Variants in GOLPH3 observed in about 807,000 individuals in gnomAD.
GOLPH3 encodes the protein coat protein GPP34.
A neutral mutation model predicts 28.5 loss-of-function variants in GOLPH3; 14 were observed. The ratio of observed to expected loss-of-function variants is 0.49; its 90% CI spans 0.32 to 0.77. GOLPH3 has a LOEUF of 0.77. Ranked by LOEUF, GOLPH3 falls within the 30% of genes least tolerant of loss-of-function variation. GOLPH3 has a pLI of 0.03. For synonymous variants in GOLPH3, 158 were observed against 159.2 expected (o/e 0.99, Z 0.06); for missense variants, 350 against 393.7 (o/e 0.89, Z 0.94).
At chr5:32,148,510 T>C (rs1581547001) in intron 1 of GOLPH3, among the ~76,000 whole-genome samples, 1 of 152,226 alleles carries the variant, frequency 6.6e-6, no homozygotes, top group Non-Finnish European at 1.5e-5. Context: ...AATAGAAATA[T>C]AGGCCAGGTC....
intron 1 of GOLPH3, 157 bp downstream of exon 1, chr5:32,173,653 C>T (rs1746900526): frequency 2.2e-6 from 1 of 444,950 alleles, no homozygotes; most frequent in Non-Finnish European, 3.7e-6. Context: ...AACTCCGACA[C>T]CGCTCGGCGT....
chr5:32,150,168 TAA>T (rs567153065), intron 1 of GOLPH3, among the ~76,000 whole-genome samples: 4 of 151,784 alleles, frequency 2.6e-5, no homozygotes, highest in Admixed American at 2.6e-4. Context: ...ACTAAAAAGT[TAA>T]AATATAATTG....
In GOLPH3 at chr5:32,143,801, C is replaced by G; in HGVS notation, c.305G>C (p.Arg102Thr). 1.2e-6 allele frequency: 2 copies of G among 1,604,058 alleles called. No homozygotes were observed. Among genetic ancestry groups the G allele is most frequent in the Non-Finnish European group, 1.7e-6 (2 of 1,176,792 alleles). ...CATTCCACAAGCCTCTAGTTGTAACCTTCCTCTCAATGCTAATTCAATTAA... is the reference window on the plus strand; with the variant it reads ...CATTCCACAAGCCTCTAGTTGTAACGTTCCTCTCAATGCTAATTCAATTAA... Reference protein sequence around the residue: ...CMLIELALRGRLQLEACGMRR... With the variant: ...CMLIELALRGTLQLEACGMRR... The change falls in exon 2 of 4, where the codon AGG (arginine) becomes ACG (threonine). Residue 102 changes from arginine (R) to threonine (T), a missense_variant. By Grantham distance (71) the Arg-to-Thr change is moderately conservative. Coordinates refer to ENST00000265070, the MANE Select transcript of GOLPH3 (RefSeq NM_022130.4).
At chr5:32,163,324 T>C (rs1004473916) in intron 1 of GOLPH3, among the ~76,000 whole-genome samples, 2 of 152,196 alleles carry the variant, frequency 1.3e-5, no homozygotes, top group Non-Finnish European at 2.9e-5. Flanking sequence ...ATTCACTTTA[T>C]TGAAATCATT....
chr5:32,153,622 C>T (rs890691497), intron 1 of GOLPH3, among the ~76,000 whole-genome samples: 1 of 151,854 alleles, frequency 6.6e-6, no homozygotes, highest in Non-Finnish European at 1.5e-5. Flanking sequence ...TTAATACAAG[C>T]GGTAAGCCAA....
intron 1 of GOLPH3, 28 bp downstream of exon 1, chr5:32,173,782 C>G: frequency 1.5e-6 from 2 of 1,331,636 alleles, no homozygotes; most frequent in Middle Eastern, 2.7e-4. Flanking sequence ...CGCGCCGCCG[C>G]CCCCCGCCCA....
intron 1 of GOLPH3, among the ~76,000 whole-genome samples, chr5:32,152,026 G>A (rs953553997): frequency 6.6e-5 from 10 of 152,170 alleles, no homozygotes; most frequent in African/African-American, 1.7e-4. Flanking sequence ...TCTGGAGAGG[G>A]ATAGTGGTGA....
chr5:32,166,540 GCA>G (rs1171939491), intron 1 of GOLPH3, among the ~76,000 whole-genome samples: 1 of 152,202 alleles, frequency 6.6e-6, no homozygotes, highest in Non-Finnish European at 1.5e-5. Context: ...GCATGGCCGG[GCA>G]CAGTGGCTCA....
intron 1 of GOLPH3, among the ~76,000 whole-genome samples, chr5:32,164,451 T>C (rs1465533520): frequency 1.3e-5 from 2 of 151,936 alleles, no homozygotes; most frequent in Non-Finnish European, 2.9e-5. Context: ...TGGAGTGCAG[T>C]GGCGCGATAT....
At chr5:32,149,208 G>A (rs1183632385) in intron 1 of GOLPH3, among the ~76,000 whole-genome samples, 1 of 152,234 alleles carries the variant, frequency 6.6e-6, no homozygotes, top group East Asian at 1.9e-4. Context: ...GAGTAGAAAT[G>A]AGAGAGGATG....
chr5:32,132,819 A>G (rs1000505917), intron 3 of GOLPH3, among the ~76,000 whole-genome samples: 11 of 152,200 alleles, frequency 7.2e-5, no homozygotes, highest in African/African-American at 2.7e-4. Flanking sequence ...TGATACTTTC[A>G]ATTAGGTGGG....
At chr5:32,158,686 G>A (rs144850660) in intron 1 of GOLPH3, among the ~76,000 whole-genome samples, 50 of 152,186 alleles carry the variant, frequency 3.3e-4, no homozygotes, top group Admixed American at 9.8e-4. Flanking sequence ...CCAACGGAGT[G>A]CTCTTGGCCA....
chr5:32,173,452 C>G (rs1746893407), intron 1 of GOLPH3, among the ~76,000 whole-genome samples: 1 of 152,084 alleles, frequency 6.6e-6, no homozygotes, highest in South Asian at 2.1e-4. Flanking sequence ...TGTTAGTTTC[C>G]CGGGCAGTCT....
intron 1 of GOLPH3, among the ~76,000 whole-genome samples, chr5:32,160,452 G>A (rs1746547526): frequency 6.6e-6 from 1 of 152,208 alleles, no homozygotes; most frequent in East Asian, 1.9e-4. Context: ...AAACAGAGGT[G>A]ATAAAGATGA....
chr5:32,165,139 A>T (rs1374815162), intron 1 of GOLPH3, among the ~76,000 whole-genome samples: 3 of 152,018 alleles, frequency 2.0e-5, no homozygotes, highest in Non-Finnish European at 4.4e-5. Context: ...GCCTCAGGTA[A>T]TCCCCTTGCC....
At chr5:32,160,857 G>A (rs1216913342) in intron 1 of GOLPH3, among the ~76,000 whole-genome samples, 1 of 151,866 alleles carries the variant, frequency 6.6e-6, no homozygotes, top group African/African-American at 2.4e-5. Context: ...CACGAGGTCA[G>A]GAGATCGAGA....
intron 3 of GOLPH3, among the ~76,000 whole-genome samples, chr5:32,128,944 C>T (rs1039922995): frequency 1.3e-5 from 2 of 151,950 alleles, no homozygotes; most frequent in East Asian, 1.9e-4. Flanking sequence ...AAAAGTTAGC[C>T]GGGGCCAGGC....
chr5:32,163,802 C>T (rs79892358), intron 1 of GOLPH3, among the ~76,000 whole-genome samples: 2 of 152,196 alleles, frequency 1.3e-5, no homozygotes, highest in Admixed American at 1.3e-4. Flanking sequence ...AGCTACACAA[C>T]ATGGTATAGA....
At chr5:32,149,691 T>C (rs555772094) in intron 1 of GOLPH3, among the ~76,000 whole-genome samples, 1 of 152,164 alleles carries the variant, frequency 6.6e-6, no homozygotes, top group Non-Finnish European at 1.5e-5. Flanking sequence ...TCTACAGATA[T>C]AAGAACTGTT....
Sources: gnomAD v4.1 joint callset for allele counts (sites outside exome capture counted in the v4.1 genomes callset) on GRCh38, gnomAD v4.1.1 for gene constraint, MANE v1.5 for transcripts, NCBI Gene and HGNC (gene_info 2026-07-23, HGNC 2026-07-21) for gene names.